The following SNX29 variants were observed in gnomAD, a reference collection of about 807,000 sequenced individuals.
The protein encoded by SNX29 is sorting nexin 29.
In SNX29, 78 loss-of-function variants were observed where a neutral mutation model predicts 102.1. That is an observed-to-expected ratio of 0.76 (90% CI 0.64 to 0.92). The LOEUF is 0.92. SNX29 is among the 40% of genes least tolerant of loss of function. The pLI is 0.00. For synonymous variants in SNX29, 580 were observed against 414.5 expected, an observed-to-expected ratio of 1.40 and a Z score of -4.85; for missense variants, 1,280 against 1,061.7, an observed-to-expected ratio of 1.21 and a Z score of -2.86.
At chr16:12,481,465 T>TACAC (rs138169617) in intron 19 of SNX29, among the ~76,000 whole-genome samples, 33 of 102,666 alleles carry the variant, frequency 3.2e-4, no homozygotes, top group Non-Finnish European at 5.4e-4. Context: ...CATATATATA[T>TACAC]ACACATATAT....
intron 15 of SNX29, among the ~76,000 whole-genome samples, chr16:12,282,845 CAG>C (rs2079478558): frequency 6.6e-6 from 1 of 151,922 alleles, no homozygotes; most frequent in Non-Finnish European, 1.5e-5. Context: ...TTAGTAGAGA[CAG>C]GGTTTCATCG....
intron 20 of SNX29, among the ~76,000 whole-genome samples, chr16:12,542,017 G>C (rs139883380): frequency 6.6e-6 from 1 of 152,076 alleles, no homozygotes; most frequent in Non-Finnish European, 1.5e-5. Flanking sequence ...TTGCAGCACC[G>C]CTCTGTTTTT....
At chr16:12,035,810 G>T (rs2057457257) in intron 4 of SNX29, among the ~76,000 whole-genome samples, 1 of 152,110 alleles carries the variant, frequency 6.6e-6, no homozygotes, top group South Asian at 2.1e-4. Context: ...TTTGAGTTTT[G>T]TTCTTTGCTT....
At chr16:12,104,571 TAAAC>T (rs779555298) in intron 11 of SNX29, among the ~76,000 whole-genome samples, 12 of 147,916 alleles carry the variant, frequency 8.1e-5, no homozygotes, top group Non-Finnish European at 1.7e-4. Context: ...AACAAACAAA[TAAAC>T]AAAAAAAAAA....
intron 3 of SNX29, among the ~76,000 whole-genome samples, chr16:12,006,369 G>A (rs533182520): frequency 6.6e-6 from 1 of 150,842 alleles, no homozygotes; most frequent in African/African-American, 2.4e-5. Flanking sequence ...TACAAAATTA[G>A]CCAGGCATGG....
chr16:12,387,890 A>G lies in SNX29; in HGVS notation c.1900-10556A>G, dbSNP rs892834145. On this transcript the variant is annotated intron_variant, in intron 16 of 20. Coordinates refer to ENST00000566228, the MANE Select transcript of SNX29 (RefSeq NM_032167.5). ...TTCTTTCTTGTGACTGGTGGAAATTAAACTCTAAGGAAGAACCCTGGAAGA... is the reference window on the plus strand; with the variant it reads ...TTCTTTCTTGTGACTGGTGGAAATTGAACTCTAAGGAAGAACCCTGGAAGA... Among the ~76,000 whole-genome samples the G allele has an allele frequency of 2.6e-5, 4 of 152,172 alleles. No homozygotes were observed. In the East Asian group the frequency reaches 7.7e-4, roughly 29 times the overall value.
intron 19 of SNX29, among the ~76,000 whole-genome samples, chr16:12,518,988 A>G (rs1158582524): frequency 1.3e-5 from 2 of 152,178 alleles, no homozygotes; most frequent in Non-Finnish European, 2.9e-5. Context: ...GGTATAAATC[A>G]GGGCTTGCAA....
chr16:12,250,314 T>A (rs896938398), intron 14 of SNX29, among the ~76,000 whole-genome samples: 1 of 152,146 alleles, frequency 6.6e-6, no homozygotes, highest in African/African-American at 2.4e-5. Flanking sequence ...CCTTTTGCAA[T>A]TTTCAGTCTG....
intron 15 of SNX29, among the ~76,000 whole-genome samples, chr16:12,319,595 C>G (rs966495600): frequency 6.6e-6 from 1 of 152,182 alleles, no homozygotes; most frequent in Non-Finnish European, 1.5e-5. Flanking sequence ...GACTGTTGAT[C>G]TGTGATGTTG....
intron 13 of SNX29, among the ~76,000 whole-genome samples, chr16:12,171,351 C>T (rs193038244): frequency 2.4e-4 from 37 of 152,084 alleles, no homozygotes; most frequent in Non-Finnish European, 4.6e-4. Context: ...AGGGAGAAAA[C>T]ACGCACAGTT....
At chr16:12,146,021 G>A (rs1030237412) in intron 13 of SNX29, among the ~76,000 whole-genome samples, 3 of 152,212 alleles carry the variant, frequency 2.0e-5, no homozygotes, top group South Asian at 2.1e-4. Context: ...CCAAGAAAGC[G>A]GCCTCTCTTT....
rs115577344 is a variant in SNX29 at position 12,565,936 on chromosome 16, G to A, written c.2319-2570G>A. Among the ~76,000 whole-genome samples the A allele has an allele frequency of 4.2e-3, 634 of 152,150 alleles. 2 individuals carry two copies. The highest frequency in any genetic ancestry group is 0.013 in the African/African-American group (556 of 41,506). ...GATCCACCACAGCCATCTGTCCAGT[G>A]TCTGCCCTCCCCATCCTCAATGACA... On this transcript the variant is annotated intron_variant, in intron 20 of 20. Transcript: ENST00000566228.
At chr16:12,145,334 T>C (rs540561783) in intron 13 of SNX29, among the ~76,000 whole-genome samples, 4 of 152,346 alleles carry the variant, frequency 2.6e-5, no homozygotes, top group African/African-American at 9.6e-5. Context: ...TATTTTTACA[T>C]AGTTACACCA....
intron 16 of SNX29, among the ~76,000 whole-genome samples, chr16:12,392,927 C>T (rs545608134): frequency 2.6e-5 from 4 of 152,348 alleles, no homozygotes; most frequent in African/African-American, 9.6e-5. Context: ...AGGCCTGAGC[C>T]TGTTGCTTGG....
intron 18 of SNX29, among the ~76,000 whole-genome samples, chr16:12,451,199 C>T (rs138091965): frequency 2.0e-5 from 3 of 152,334 alleles, no homozygotes; most frequent in Admixed American, 1.3e-4. Context: ...CTCATTACTG[C>T]CAACCACATT....
chr16:12,511,045 G>A (rs28459260), intron 19 of SNX29, among the ~76,000 whole-genome samples: 14,550 of 152,100 alleles, frequency 0.096, 748 homozygotes, highest in Middle Eastern at 0.11. Flanking sequence ...CAACCTCTGC[G>A]TCCCGGGTTC....
chr16:12,051,910 A>T lies in SNX29; in HGVS notation c.812A>T (p.Asp271Val). Residue 271 changes from aspartate to valine, a missense_variant, in exon 8 of 21, where the codon GAT becomes GTT. Asp to Val is a radical substitution (Grantham distance 152). Coordinates refer to ENST00000566228, the MANE Select transcript of SNX29 (RefSeq NM_032167.5). ...KKVTNIISFD[D>V]EEDEQNSGDV... is the part of the protein sequence containing the mutation. ...GTGACCAACATAATCTCATTTGATG[A>T]TGAGGAAGATGAGCAGAACTCTGGG... is the stretch of plus-strand genomic sequence containing the variant. The T allele has an allele frequency of 6.2e-7, 1 of 1,613,222 alleles. No individual in the cohort carries two copies. The highest frequency in any genetic ancestry group is 8.5e-7 in the Non-Finnish European group (1 of 1,179,736).
At chr16:12,332,761 C>A (rs1172343754) in intron 15 of SNX29, among the ~76,000 whole-genome samples, 1 of 152,158 alleles carries the variant, frequency 6.6e-6, no homozygotes. Context: ...CATTCCTGCC[C>A]TTGGTTCTTC....
At chr16:12,312,140 C>T (rs778692512) in intron 15 of SNX29, among the ~76,000 whole-genome samples, 3 of 152,196 alleles carry the variant, frequency 2.0e-5, no homozygotes, top group Non-Finnish European at 2.9e-5. Context: ...TGTCCAGCTA[C>T]AACTTGGTGG....
Sources: gnomAD v4.1 joint callset for allele counts (sites outside exome capture counted in the v4.1 genomes callset) on GRCh38, gnomAD v4.1.1 for gene constraint, MANE v1.5 for transcripts, NCBI Gene and HGNC (gene_info 2026-07-23, HGNC 2026-07-21) for gene names.